FARS2: variants seen among roughly 807,000 people sequenced by gnomAD.
The protein encoded by FARS2 is phenylalanyl-tRNA synthetase 2, mitochondrial.
FARS2 carries 40 observed loss-of-function variants against 46.4 expected under a neutral mutation model. The observed-to-expected ratio is 0.86, with a 90% CI of 0.67 to 1.12. The LOEUF (loss-of-function observed/expected upper bound fraction) is 1.12. Among genes scored for constraint, FARS2 ranks in the 50% most tolerant of loss-of-function variants. FARS2 has a pLI of 0.00. For missense variants in FARS2, 513 were observed against 567.9 expected, an observed-to-expected ratio of 0.90 and a Z score of 0.98; for synonymous variants, 234 against 214.9, an observed-to-expected ratio of 1.09 and a Z score of -0.78.
chr6:5,369,071 A>G lies in FARS2; in HGVS notation c.501A>G (p.Gly167=). ...SAHQWDLLHA[G]LDAFLVVGDV... is the part of the protein sequence containing the mutation. ...ACCAGTGGGACTTGCTGCACGCGGG[A>G]CTGGATGCCTTCCTGGTGGTGGGTG... Residue 167 remains glycine (G), a synonymous_variant, in exon 2 of 7, where the codon GGA becomes GGG. Transcript: ENST00000274680. 3.1e-6 allele frequency: 5 copies of G among 1,613,966 alleles called. No individual in the cohort carries two copies. The highest frequency in any genetic ancestry group is 4.2e-6 in the Non-Finnish European group (5 of 1,179,992).
intron 4 of FARS2, among the ~76,000 whole-genome samples, chr6:5,444,265 G>T (rs537080245): frequency 1.8e-4 from 27 of 152,066 alleles, no homozygotes; most frequent in Admixed American, 1.4e-3. Flanking sequence ...TCAGGAGTTC[G>T]CGACCAGCCT....
intron 4 of FARS2, among the ~76,000 whole-genome samples, chr6:5,437,951 G>A (rs1763619949): frequency 6.6e-6 from 1 of 152,052 alleles, no homozygotes; most frequent in Admixed American, 6.5e-5. Flanking sequence ...GTCAAGTGGT[G>A]ATAATTTCTT....
Position 5,771,508 on chromosome 6 carries a change from T to C in FARS2, c.*79T>C. 1 of 1,438,936 alleles carries C rather than the reference T, an allele frequency of 6.9e-7. No homozygotes were observed. Among genetic ancestry groups the C allele is most frequent in the Non-Finnish European group, 9.4e-7 (1 of 1,058,608 alleles). The allele number at this position is 1,438,936 out of a possible 1,614,324, so 89.1% of individuals were successfully genotyped here. A position where few individuals can be genotyped will look rare whatever the true frequency, so the allele number is the denominator to read the frequency against. On this transcript the variant is annotated 3_prime_UTR_variant, in exon 7 of 7. Coordinates refer to ENST00000274680, the MANE Select transcript of FARS2 (RefSeq NM_006567.5). ...AGAGAAAAAGATATGGTTTGTGAAC[T>C]GGGGCATCAATCATCTTTTGATAAA...
intron 5 of FARS2, among the ~76,000 whole-genome samples, chr6:5,593,304 C>A (rs1431671781): frequency 6.6e-6 from 1 of 152,040 alleles, no homozygotes; most frequent in Non-Finnish European, 1.5e-5. Context: ...CCGCCCCCAC[C>A]GGCCTCTGCT....
chr6:5,666,766 A>G (rs1778144738), intron 6 of FARS2, among the ~76,000 whole-genome samples: 3 of 152,244 alleles, frequency 2.0e-5, no homozygotes, highest in Non-Finnish European at 4.4e-5. Context: ...ATAAAGACAC[A>G]TGCACATGTG....
chr6:5,372,763 C>T (rs759288153), intron 2 of FARS2, among the ~76,000 whole-genome samples: 3 of 151,972 alleles, frequency 2.0e-5, no homozygotes, highest in Admixed American at 1.3e-4. Context: ...CCACCTAAGC[C>T]GTAGGATCAC....
intron 4 of FARS2, among the ~76,000 whole-genome samples, chr6:5,490,010 A>T (rs1202147748): frequency 6.6e-6 from 1 of 152,158 alleles, no homozygotes; most frequent in Admixed American, 6.5e-5. Context: ...AGATACAGAG[A>T]GTTCTCTCAC....
At chr6:5,689,898 A>G (rs1007823041) in intron 6 of FARS2, among the ~76,000 whole-genome samples, 1 of 152,120 alleles carries the variant, frequency 6.6e-6, no homozygotes. Flanking sequence ...TTGGGTGCAT[A>G]TATATTTAGG....
At chr6:5,600,782 AG>A (rs1178709533) in intron 5 of FARS2, among the ~76,000 whole-genome samples, 2 of 152,198 alleles carry the variant, frequency 1.3e-5, no homozygotes, top group African/African-American at 4.8e-5. Context: ...AAGGCACCAT[AG>A]GGATAAATGT....
intron 1 of FARS2, among the ~76,000 whole-genome samples, chr6:5,329,130 T>A (rs2753213): frequency 0.69 from 102,892 of 149,520 alleles, 35,524 homozygotes; most frequent in East Asian, 0.82. Flanking sequence ...GTTTCTATAT[T>A]AAAAAAAAAA....
chr6:5,356,339 A>G (rs1353365885), intron 1 of FARS2, among the ~76,000 whole-genome samples: 1 of 152,152 alleles, frequency 6.6e-6, no homozygotes, highest in African/African-American at 2.4e-5. Context: ...AATCCCAGCT[A>G]CTCGGGAGAC....
Position 5,369,138 on chromosome 6 carries a change from AT to A in FARS2, c.572del (p.Phe191SerfsTer19). ...CCAGATCGACTCCCAGCACTACCCT[AT>A]TTTCCACCAGCTGGAGGCCGTGCGG... ...RDQIDSQHYP[I>X]FHQLEAVRLF... is the part of the protein sequence containing the mutation. On this transcript the variant is annotated frameshift_variant, in exon 2 of 7. Coordinates refer to ENST00000274680, the MANE Select transcript of FARS2 (RefSeq NM_006567.5). LOFTEE classifies it high-confidence loss of function. 6.2e-7 allele frequency: 1 copy of A among 1,611,582 alleles called. No individual in the cohort carries two copies.
intron 6 of FARS2, among the ~76,000 whole-genome samples, chr6:5,712,689 G>A (rs1440741186): frequency 6.6e-6 from 1 of 152,200 alleles, no homozygotes; most frequent in East Asian, 1.9e-4. Flanking sequence ...CAGCCTTTCT[G>A]CTGCAGCACC....
chr6:5,701,655 C>A (rs1758443830), intron 6 of FARS2, among the ~76,000 whole-genome samples: 1 of 152,130 alleles, frequency 6.6e-6, no homozygotes, highest in Non-Finnish European at 1.5e-5. Flanking sequence ...TTCATTATCC[C>A]CATCTTCATC....
At chr6:5,398,703 A>T (rs1031128090) in intron 2 of FARS2, among the ~76,000 whole-genome samples, 1 of 152,110 alleles carries the variant, frequency 6.6e-6, no homozygotes, top group African/African-American at 2.4e-5. Flanking sequence ...TTCCGTATTG[A>T]TGTATCTGCA....
chr6:5,325,727 A>G (rs781412891), intron 1 of FARS2, among the ~76,000 whole-genome samples: 1 of 152,118 alleles, frequency 6.6e-6, no homozygotes, highest in East Asian at 1.9e-4. Flanking sequence ...ATTTTTTTCT[A>G]TTATTAAGTT....
chr6:5,529,349 C>G (rs1769673006), intron 4 of FARS2, among the ~76,000 whole-genome samples: 1 of 152,142 alleles, frequency 6.6e-6, no homozygotes, highest in Non-Finnish European at 1.5e-5. Flanking sequence ...CACTCTGTCG[C>G]CTGGCTGCAG....
At chr6:5,684,851 C>G (rs6597157) in intron 6 of FARS2, among the ~76,000 whole-genome samples, 145,592 of 152,270 alleles carry the variant, frequency 0.96, 69,688 homozygotes, top group African/African-American at 0.99. Flanking sequence ...AGGTTTCTGT[C>G]ACTCCCAGCA....
At chr6:5,445,190 T>A (rs199694126) in intron 4 of FARS2, among the ~76,000 whole-genome samples, 12 of 150,048 alleles carry the variant, frequency 8.0e-5, no homozygotes, top group South Asian at 4.2e-4. Context: ...TAGAGACCTT[T>A]AAAAAAAAAG....
Sources: gnomAD v4.1 joint callset for allele counts (sites outside exome capture counted in the v4.1 genomes callset) on GRCh38, gnomAD v4.1.1 for gene constraint, MANE v1.5 for transcripts, NCBI Gene and HGNC (gene_info 2026-07-23, HGNC 2026-07-21) for gene names.